SLC26A9: variants seen among roughly 807,000 people sequenced by gnomAD.
SLC26A9 encodes the protein solute carrier family 26 member 9, also known as anion transporter/exchanger protein 9.
SLC26A9 carries 46 observed loss-of-function variants against 87.1 expected under a neutral mutation model. The ratio of observed to expected loss-of-function variants is 0.53; its 90% CI spans 0.42 to 0.67. The LOEUF is 0.67. SLC26A9 is among the 30% of genes least tolerant of loss of function. The pLI is 0.00. For missense variants in SLC26A9, 927 were observed against 1,018.3 expected, an observed-to-expected ratio of 0.91 and a Z score of 1.22; for synonymous variants, 437 against 409.1, an observed-to-expected ratio of 1.07 and a Z score of -0.82.
At position 205,941,001 on chromosome 1, in the gene SLC26A9, AGGGT is replaced by A. The variant is rs1659721256; in HGVS notation, c.-19+2360_-19+2363del. Among the ~76,000 whole-genome samples the A allele has an allele frequency of 2.0e-5, 3 of 152,068 alleles. No individual in the cohort carries two copies. In the South Asian group the frequency reaches 6.2e-4, roughly 32 times the overall value. On this transcript the variant is annotated intron_variant, in intron 1 of 20. Transcript: ENST00000367135. ...TGCTGGTTGCCTCCCTGCCTCATCC[AGGGT>A]GGGGGCCACAGGGTAAGAGCAGCCT... is the stretch of plus-strand genomic sequence containing the variant.
intron 4 of SLC26A9, 49 bp from the exon 5 acceptor site, chr1:205,932,084 G>A (rs149259704): frequency 8.1e-6 from 13 of 1,600,288 alleles, no homozygotes; most frequent in African/African-American, 2.7e-5. Flanking sequence ...GAACCACACC[G>A]ATGGAAACCA....
At chr1:205,942,721 A>T (rs1659801911) in intron 1 of SLC26A9, among the ~76,000 whole-genome samples, 1 of 152,186 alleles carries the variant, frequency 6.6e-6, no homozygotes, top group Non-Finnish European at 1.5e-5. Flanking sequence ...CGGGCGTCCC[A>T]GGTCCAGCTA....
intron 8 of SLC26A9, chr1:205,928,378 G>T (rs1659169763): frequency 5.0e-6 from 2 of 400,768 alleles, no homozygotes; most frequent in Non-Finnish European, 9.1e-6. Context: ...GTGCTATGTG[G>T]TCTTCCCTCC....
intron 2 of SLC26A9, chr1:205,935,065 C>T (rs1405439951): frequency 2.6e-5 from 4 of 152,230 alleles, no homozygotes; most frequent in African/African-American, 4.8e-5. Context: ...CACCCGCAGC[C>T]CCAGCCTCCT....
chr1:205,933,301 G>A (rs74774993), intron 2 of SLC26A9, among the ~76,000 whole-genome samples: 4,288 of 152,290 alleles, frequency 0.028, 192 homozygotes, highest in African/African-American at 0.097. Context: ...ACTGCCAGCT[G>A]CTTACCTGGG....
intron 6 of SLC26A9, 55 bp from the exon 7 acceptor site, chr1:205,929,411 C>T: frequency 6.3e-7 from 1 of 1,591,556 alleles, no homozygotes; most frequent in Non-Finnish European, 8.6e-7. Flanking sequence ...CCATAATACC[C>T]CACCTTTGGG....
intron 20 of SLC26A9, 27 bp from the exon 21 acceptor site, chr1:205,915,431 G>A (rs756090438): frequency 1.2e-6 from 2 of 1,613,766 alleles, no homozygotes; most frequent in East Asian, 2.2e-5. Flanking sequence ...AAGGAAGTGG[G>A]AGGGGAAGAG....
chr1:205,914,811 A>G lies in SLC26A9; in HGVS notation c.*546T>C. 3 of 1,520,136 alleles carry G rather than the reference A, an allele frequency of 2.0e-6. No homozygotes were observed. Among genetic ancestry groups the G allele is most frequent in the East Asian group, 2.3e-5 (1 of 44,228 alleles). The allele number at this position is 1,520,136 out of a possible 1,614,324, so 94.2% of individuals were successfully genotyped here. A position where few individuals can be genotyped will look rare whatever the true frequency, so the allele number is the denominator to read the frequency against. On this transcript the variant is annotated 3_prime_UTR_variant, in exon 21 of 21. Transcript: ENST00000367135. ...CTAGACTCCTGGGTGTGGAGAGCAC[A>G]TGGTCCCTGGGTGCAGAGCTGCCAG...
chr1:205,929,504 C>T, intron 6 of SLC26A9, 148 bp from the exon 7 acceptor site: 2 of 1,233,222 alleles, frequency 1.6e-6, no homozygotes, highest in Non-Finnish European at 1.1e-6. Context: ...GAACCCTGTC[C>T]CGTCGCCCAC....
Position 205,933,024 on chromosome 1 carries a change from G to A in SLC26A9, c.186C>T (p.Leu62=). The A allele has an allele frequency of 6.2e-7, 1 of 1,614,136 alleles. No homozygotes were observed. Among genetic ancestry groups the A allele is most frequent in the South Asian group, 1.1e-5 (1 of 91,070 alleles). The change falls in exon 3 of 21, where the codon CTC becomes CTT. Residue 62 remains leucine, a synonymous_variant. Coordinates refer to ENST00000367135, the MANE Select transcript of SLC26A9 (RefSeq NM_052934.4). The stretch of plus-strand genomic sequence containing the variant: ...TGTAGTCTTTAATCTTGTACTTGGG[G>A]AGCCAGGAGAGCACAGGCAGCAGCC... ...VFGLLPVLSW[L]PKYKIKDYII... is the part of the protein sequence containing the mutation.
In SLC26A9 at chr1:205,932,774, T is replaced by G. The variant is rs550435358; in HGVS notation, c.304A>C (p.Asn102His). Residue 102 changes from asparagine (N) to histidine (H), a missense_variant, in exon 4 of 21, where the codon AAT becomes CAT. Asn to His is a moderately conservative substitution (Grantham distance 68). Transcript: ENST00000367135. ...FALLANLPAVNGLYSSFFPLL... is the reference protein window; with the variant it reads ...FALLANLPAVHGLYSSFFPLL... The stretch of plus-strand genomic sequence containing the variant: ...GGGAAGAAGGAGGAGTAGAGGCCAT[T>G]GACTGCAGGAAGGTTGGCCAGCAGA... The G allele has an allele frequency of 6.2e-7, 1 of 1,600,674 alleles. No homozygotes were observed. The highest frequency in any genetic ancestry group is 1.3e-5 in the African/African-American group (1 of 74,674).
intron 20 of SLC26A9, among the ~76,000 whole-genome samples, chr1:205,915,785 G>C (rs1466996187): frequency 6.6e-6 from 1 of 152,142 alleles, no homozygotes. Flanking sequence ...TCCTATCCAG[G>C]CTTTTTGGAA....
intron 1 of SLC26A9, among the ~76,000 whole-genome samples, chr1:205,938,300 C>T (rs913687981): frequency 6.6e-6 from 1 of 151,730 alleles, no homozygotes. Flanking sequence ...TCCTTCTGTC[C>T]TGTCCATTGC....
intron 20 of SLC26A9, among the ~76,000 whole-genome samples, chr1:205,916,398 C>T (rs955745898): frequency 6.6e-6 from 1 of 152,148 alleles, no homozygotes; most frequent in Non-Finnish European, 1.5e-5. Flanking sequence ...CACCCAGCCA[C>T]ATATTTTTTA....
At chr1:205,924,345 C>T in intron 13 of SLC26A9, 38 bp downstream of exon 13, 1 of 1,594,454 alleles carries the variant, frequency 6.3e-7, no homozygotes. Flanking sequence ...GCCCAGGGAA[C>T]CGACTGTGGG....
intron 11 of SLC26A9, 107 bp downstream of exon 11, chr1:205,927,104 A>C: frequency 8.8e-7 from 1 of 1,135,912 alleles, no homozygotes; most frequent in Non-Finnish European, 1.3e-6. Context: ...GTTGAGACTA[A>C]GTGTGACAAC....
In SLC26A9 at chr1:205,933,079, G is replaced by A. The variant is rs766171017; in HGVS notation, c.131C>T (p.Ser44Phe). Residue 44 changes from serine to phenylalanine, a missense_variant, in exon 3 of 21, where the codon TCC becomes TTC. Ser to Phe is a radical substitution (Grantham distance 155). Coordinates refer to ENST00000367135, the MANE Select transcript of SLC26A9 (RefSeq NM_052934.4). Reference protein sequence around the residue: ...GEKLRNAFRCSSAKIKAVVFG... With the variant: ...GEKLRNAFRCFSAKIKAVVFG... ...CACCACAGCTTTGATCTTGGCTGAG[G>A]AACATCTGGAAGGGAACGGGGAAAA... 3.1e-6 allele frequency: 5 copies of A among 1,614,220 alleles called. No individual in the cohort carries two copies. The highest frequency in any genetic ancestry group is 1.1e-5 in the South Asian group (1 of 91,078).
chr1:205,939,470 A>G (rs959076337), intron 1 of SLC26A9, among the ~76,000 whole-genome samples: 1 of 152,132 alleles, frequency 6.6e-6, no homozygotes, highest in Non-Finnish European at 1.5e-5. Flanking sequence ...AGAGTTGCAA[A>G]TCTGCAGCCA....
chr1:205,930,177 A>G, intron 5 of SLC26A9, 121 bp from the exon 6 acceptor site: 1 of 1,127,956 alleles, frequency 8.9e-7, no homozygotes, highest in Non-Finnish European at 1.2e-6. Context: ...CAGTAGCTTG[A>G]GGGAATTGGA....
Sources: gnomAD v4.1 joint callset for allele counts (sites outside exome capture counted in the v4.1 genomes callset) on GRCh38, gnomAD v4.1.1 for gene constraint, MANE v1.5 for transcripts, NCBI Gene and HGNC (gene_info 2026-07-23, HGNC 2026-07-21) for gene names.